The following RBFOX1 variants were observed in gnomAD, a reference collection of about 807,000 sequenced individuals.
The protein encoded by RBFOX1 is RNA binding protein fox-1 homolog 1.
In RBFOX1, 8 loss-of-function variants were observed where a neutral mutation model predicts 57.7. That is an observed-to-expected ratio of 0.14 (90% CI 0.08 to 0.25). The LOEUF (loss-of-function observed/expected upper bound fraction) is 0.25. RBFOX1 is among the 10% of genes least tolerant of loss of function. The pLI, the probability that RBFOX1 is intolerant of heterozygous loss-of-function variation, is 1.00. For missense variants in RBFOX1, 611 were observed against 548.5 expected (o/e 1.11, Z -1.14); for synonymous variants, 326 against 222.4 (o/e 1.47, Z -4.15).
At chr16:7,675,228 C>G (rs1021677497) in intron 13 of RBFOX1, among the ~76,000 whole-genome samples, 1 of 147,438 alleles carries the variant, frequency 6.8e-6, no homozygotes, top group African/African-American at 2.5e-5. Flanking sequence ...CCCAATTTCT[C>G]TTTAGTCCGT....
intron 2 of RBFOX1, among the ~76,000 whole-genome samples, chr16:6,331,697 G>C (rs1210865661): frequency 1.3e-5 from 2 of 150,792 alleles, no homozygotes; most frequent in Non-Finnish European, 2.9e-5. Flanking sequence ...CAATTCTCTG[G>C]TGCATCAGAG....
chr16:6,887,820 A>G (rs2064459184), intron 3 of RBFOX1, among the ~76,000 whole-genome samples: 1 of 151,926 alleles, frequency 6.6e-6, no homozygotes, highest in Admixed American at 6.6e-5. Context: ...TCGTCACCAC[A>G]CCTGGCTAAT....
In RBFOX1 at chr16:6,898,179, T is replaced by G. The variant is rs534653891; in HGVS notation, c.-15-153878T>G. ...ATAATTGAGGTCGTAGCCAACGGCA[T>G]TAAGAATGCTTACAGTCCATTGTGG... On this transcript the variant is annotated intron_variant, in intron 3 of 15. Coordinates refer to ENST00000550418, the MANE Select transcript of RBFOX1 (RefSeq NM_018723.4). Among the ~76,000 whole-genome samples, 10 of 152,278 alleles carry G rather than the reference T, an allele frequency of 6.6e-5. 2 individuals carry two copies. The highest frequency in any genetic ancestry group is 1.9e-4 in the East Asian group (1 of 5,168).
chr16:5,428,748 C>A (rs764239627), intron 1 of RBFOX1, among the ~76,000 whole-genome samples: 1 of 152,058 alleles, frequency 6.6e-6, no homozygotes, highest in Non-Finnish European at 1.5e-5. Context: ...CAGGAGGTTT[C>A]TGGGTTGGAG....
intron 2 of RBFOX1, among the ~76,000 whole-genome samples, chr16:5,597,391 C>A (rs1299377315): frequency 8.0e-6 from 1 of 124,364 alleles, no homozygotes; most frequent in Non-Finnish European, 1.6e-5. Context: ...CCAAAGCTTG[C>A]TGACTTTTTT....
At chr16:6,300,381 C>T (rs962247255) in intron 1 of RBFOX1, among the ~76,000 whole-genome samples, 2 of 152,170 alleles carry the variant, frequency 1.3e-5, no homozygotes, top group African/African-American at 4.8e-5. Context: ...TTGATTTAGC[C>T]ATTCCACAGT....
chr16:6,837,393 C>G (rs758562262), intron 3 of RBFOX1, among the ~76,000 whole-genome samples: 1 of 152,198 alleles, frequency 6.6e-6, no homozygotes, highest in African/African-American at 2.4e-5. Flanking sequence ...GTAGTGACTT[C>G]CAATCACGGT....
At chr16:6,186,161 CA>C (rs940775213) in intron 1 of RBFOX1, among the ~76,000 whole-genome samples, 3 of 152,002 alleles carry the variant, frequency 2.0e-5, no homozygotes, top group African/African-American at 7.2e-5. Flanking sequence ...AAAACAATGC[CA>C]AAAAAATCAA....
intron 1 of RBFOX1, among the ~76,000 whole-genome samples, chr16:5,316,014 C>T (rs2064227773): frequency 1.3e-5 from 2 of 152,154 alleles, no homozygotes; most frequent in South Asian, 2.1e-4. Flanking sequence ...CTCCCACTAC[C>T]AGAGACCTCC....
chr16:5,890,506 G>A (rs1331239639), intron 4 of RBFOX1, among the ~76,000 whole-genome samples: 1 of 152,050 alleles, frequency 6.6e-6, no homozygotes, highest in Admixed American at 6.5e-5. Flanking sequence ...AGACCAGCCT[G>A]ACCAACATGG....
chr16:5,769,179 A>G (rs1156451504), intron 3 of RBFOX1, among the ~76,000 whole-genome samples: 1 of 152,170 alleles, frequency 6.6e-6, no homozygotes, highest in Non-Finnish European at 1.5e-5. Context: ...CCTTATGAAT[A>G]TGTCATCAAC....
At chr16:7,091,268 C>CT (rs201284676) in intron 4 of RBFOX1, among the ~76,000 whole-genome samples, 1,879 of 146,672 alleles carry the variant, frequency 0.013, 18 homozygotes, top group Non-Finnish European at 0.017. Flanking sequence ...TTTAACTTTA[C>CT]TTTTTTTTTT....
chr16:6,073,493 C>G (rs2095860522), intron 1 of RBFOX1, among the ~76,000 whole-genome samples: 1 of 152,104 alleles, frequency 6.6e-6, no homozygotes, highest in African/African-American at 2.4e-5. Flanking sequence ...CAAGTGTATG[C>G]TAATAGGAAA....
intron 2 of RBFOX1, among the ~76,000 whole-genome samples, chr16:6,574,882 C>CA (rs1186387324): frequency 1.3e-5 from 2 of 150,582 alleles, no homozygotes; most frequent in Non-Finnish European, 3.0e-5. Flanking sequence ...ACTAAAAATA[C>CA]AAAAAATTTG....
At chr16:6,557,050 TATATACATATATACATAC>T in intron 2 of RBFOX1, among the ~76,000 whole-genome samples, 1 of 146,420 alleles carries the variant, frequency 6.8e-6, no homozygotes, top group South Asian at 2.1e-4. Flanking sequence ...TATATACATA[TATATACATATATACATAC>T]ATATATACAT....
At chr16:5,713,899 C>G (rs1041246182) in intron 3 of RBFOX1, among the ~76,000 whole-genome samples, 2 of 152,222 alleles carry the variant, frequency 1.3e-5, no homozygotes, top group African/African-American at 2.4e-5. Flanking sequence ...CCCAGATCAT[C>G]TACGTTGCAA....
At chr16:5,784,963 A>G (rs2054450310) in intron 3 of RBFOX1, among the ~76,000 whole-genome samples, 1 of 152,186 alleles carries the variant, frequency 6.6e-6, no homozygotes, top group Admixed American at 6.5e-5. Context: ...TTGTCATAGC[A>G]GCCCAAACAG....
intron 4 of RBFOX1, among the ~76,000 whole-genome samples, chr16:7,187,352 T>A (rs1375236931): frequency 6.6e-6 from 1 of 151,992 alleles, no homozygotes; most frequent in African/African-American, 2.4e-5. Flanking sequence ...CTTAAAAAAT[T>A]GTGTGAAGTC....
At chr16:5,667,360 G>A (rs935498135) in intron 3 of RBFOX1, among the ~76,000 whole-genome samples, 7 of 152,142 alleles carry the variant, frequency 4.6e-5, no homozygotes, top group East Asian at 1.9e-4. Context: ...GTCCTGTCAC[G>A]TTTGCTCTAT....
Sources: gnomAD v4.1 joint callset for allele counts (sites outside exome capture counted in the v4.1 genomes callset) on GRCh38, gnomAD v4.1.1 for gene constraint, MANE v1.5 for transcripts, NCBI Gene and HGNC (gene_info 2026-07-23, HGNC 2026-07-21) for gene names.